The following CTNNA2 variants were observed in gnomAD, a reference collection of about 807,000 sequenced individuals.
CTNNA2 encodes the protein catenin alpha 2, also known as catenin alpha-2.
In CTNNA2, 42 loss-of-function variants were observed where a neutral mutation model predicts 101.0. The observed-to-expected ratio is 0.42, with a 90% CI of 0.32 to 0.54. The LOEUF (loss-of-function observed/expected upper bound fraction) is 0.54, where lower values mean the gene tolerates loss of function less well. Ranked by LOEUF, CTNNA2 falls within the 20% of genes least tolerant of loss-of-function variation. The probability of loss-of-function intolerance (pLI) is 0.14; values close to 1 mark genes in which losing one functional copy is unlikely to be tolerated. For synonymous variants in CTNNA2, 450 were observed against 456.4 expected (o/e 0.99, Z 0.18); for missense variants, 871 against 1,223.1 (o/e 0.71, Z 4.29).
At chr2:80,452,917 A>G (rs1484879629) in intron 9 of CTNNA2, among the ~76,000 whole-genome samples, 1 of 152,108 alleles carries the variant, frequency 6.6e-6, no homozygotes, top group Non-Finnish European at 1.5e-5. Context: ...GGAATGAGGC[A>G]AAAATTTCAG....
At chr2:79,856,255 G>A (rs1681126875) in intron 3 of CTNNA2, among the ~76,000 whole-genome samples, 1 of 152,160 alleles carries the variant, frequency 6.6e-6, no homozygotes, top group Non-Finnish European at 1.5e-5. Flanking sequence ...ACATTCCCGA[G>A]TATAAAAAGT....
intron 4 of CTNNA2, among the ~76,000 whole-genome samples, chr2:79,484,256 A>T (rs996380842): frequency 3.3e-5 from 5 of 152,076 alleles, no homozygotes; most frequent in African/African-American, 1.2e-4. Context: ...AATAAAATAA[A>T]ATAAAATATA....
At chr2:79,628,206 C>G (rs1262054611) in intron 1 of CTNNA2, among the ~76,000 whole-genome samples, 1 of 152,096 alleles carries the variant, frequency 6.6e-6, no homozygotes, top group African/African-American at 2.4e-5. Flanking sequence ...AATCTCAGCA[C>G]TTTGGGAGAC....
intron 9 of CTNNA2, among the ~76,000 whole-genome samples, chr2:80,421,840 G>A (rs2149410032): frequency 6.6e-6 from 1 of 151,138 alleles, no homozygotes; most frequent in Admixed American, 6.6e-5. Context: ...GAACCACCGA[G>A]CTGAGTGTTA....
intron 3 of CTNNA2, among the ~76,000 whole-genome samples, chr2:79,756,035 A>T (rs528192768): frequency 6.6e-6 from 1 of 152,244 alleles, no homozygotes; most frequent in East Asian, 1.9e-4. Flanking sequence ...ATATATTTGT[A>T]TGCCAAAGTT....
At chr2:80,079,982 G>C (rs866922525) in intron 7 of CTNNA2, among the ~76,000 whole-genome samples, 2 of 151,982 alleles carry the variant, frequency 1.3e-5, no homozygotes, top group Non-Finnish European at 2.9e-5. Context: ...ATCCATCTGC[G>C]TTGTAGAATC....
intron 1 of CTNNA2, among the ~76,000 whole-genome samples, chr2:79,192,242 G>A (rs72915125): frequency 0.12 from 17,981 of 152,022 alleles, 1,154 homozygotes; most frequent in Middle Eastern, 0.21. Context: ...GGCCAAAAGG[G>A]GTTTGTTCAC....
intron 2 of CTNNA2, among the ~76,000 whole-genome samples, chr2:79,226,927 T>C (rs1267735664): frequency 6.6e-6 from 1 of 152,058 alleles, no homozygotes; most frequent in Non-Finnish European, 1.5e-5. Context: ...TTTGTTTTAG[T>C]AGTTGCAAAA....
chr2:79,440,406 T>C (rs1678764741), intron 4 of CTNNA2, among the ~76,000 whole-genome samples: 1 of 152,164 alleles, frequency 6.6e-6, no homozygotes, highest in Non-Finnish European at 1.5e-5. Context: ...TGTGTGGTGA[T>C]TCAGTATTTT....
intron 3 of CTNNA2, among the ~76,000 whole-genome samples, chr2:79,819,235 T>C (rs1304285771): frequency 6.6e-6 from 1 of 152,132 alleles, no homozygotes; most frequent in African/African-American, 2.4e-5. Flanking sequence ...TGCCTTGGCC[T>C]CCCAAAGTGC....
chr2:80,346,070 A>G (rs1356302466), intron 7 of CTNNA2, among the ~76,000 whole-genome samples: 1 of 152,232 alleles, frequency 6.6e-6, no homozygotes, highest in Non-Finnish European at 1.5e-5. Flanking sequence ...GAACCATTTA[A>G]TTGAACTACA....
chr2:79,926,064 GCTT>G (rs1686999278), intron 7 of CTNNA2, among the ~76,000 whole-genome samples: 1 of 152,068 alleles, frequency 6.6e-6, no homozygotes, highest in Admixed American at 6.6e-5. Flanking sequence ...CAAATTATGA[GCTT>G]CTTATCACTG....
intron 7 of CTNNA2, among the ~76,000 whole-genome samples, chr2:80,017,826 T>C (rs1694263633): frequency 6.6e-6 from 1 of 152,166 alleles, no homozygotes; most frequent in African/African-American, 2.4e-5. Context: ...AGCCACGAAG[T>C]CATTTCACCT....
intron 7 of CTNNA2, among the ~76,000 whole-genome samples, chr2:79,961,227 T>C (rs1049240089): frequency 3.3e-5 from 5 of 152,204 alleles, no homozygotes; most frequent in African/African-American, 1.2e-4. Flanking sequence ...CTAGAATTTT[T>C]TGGGCCTCTA....
intron 2 of CTNNA2, among the ~76,000 whole-genome samples, chr2:79,288,568 C>T (rs1022231425): frequency 6.6e-6 from 1 of 152,120 alleles, no homozygotes; most frequent in Non-Finnish European, 1.5e-5. Context: ...GGCTATTTCT[C>T]TCTCTCTCCC....
intron 7 of CTNNA2, among the ~76,000 whole-genome samples, chr2:80,074,376 G>T (rs1452606389): frequency 6.6e-6 from 1 of 152,160 alleles, no homozygotes; most frequent in East Asian, 1.9e-4. Context: ...GGCAGTAGTT[G>T]TATTAGGAAT....
chr2:79,197,734 C>G (rs546517026), intron 1 of CTNNA2, among the ~76,000 whole-genome samples: 1 of 152,082 alleles, frequency 6.6e-6, no homozygotes, highest in Non-Finnish European at 1.5e-5. Flanking sequence ...GCCTCTGTGC[C>G]GTGGGTTTTA....
chr2:79,242,969 A>ATATATATATAT (rs1674646204), intron 2 of CTNNA2, among the ~76,000 whole-genome samples: 5 of 127,332 alleles, frequency 3.9e-5, no homozygotes, highest in Admixed American at 1.6e-4. Flanking sequence ...CCTGTCTCGA[A>ATATATATATAT]ATATATATAT....
intron 1 of CTNNA2, among the ~76,000 whole-genome samples, chr2:79,576,766 T>A (rs1675826109): frequency 6.6e-6 from 1 of 152,162 alleles, no homozygotes; most frequent in Non-Finnish European, 1.5e-5. Context: ...ATAAAAAGTC[T>A]TATGCATTTA....
Sources: allele counts gnomAD v4.1 joint callset (sites outside exome capture counted in the v4.1 genomes callset), GRCh38; gene constraint gnomAD v4.1.1; transcripts MANE v1.5; gene names NCBI Gene and HGNC (gene_info 2026-07-23, HGNC 2026-07-21).